The following DPP9 variants were observed in gnomAD, a reference collection of about 807,000 sequenced individuals.
DPP9 encodes the protein dipeptidyl peptidase 9.
DPP9 carries 50 observed loss-of-function variants against 110.7 expected under a neutral mutation model. The ratio of observed to expected loss-of-function variants is 0.45; its 90% CI spans 0.36 to 0.57. The LOEUF is 0.57. Among genes scored for constraint, DPP9 ranks in the 20% least tolerant of loss-of-function variants. The pLI is 0.00. For synonymous variants in DPP9, 561 were observed against 514.4 expected, an observed-to-expected ratio of 1.09 and a Z score of -1.23; for missense variants, 1,022 against 1,217.9, an observed-to-expected ratio of 0.84 and a Z score of 2.39.
Position 4,689,516 on chromosome 19 carries a change from G to T in DPP9, c.1749+54C>A. 3 of 1,529,888 alleles carry T rather than the reference G, an allele frequency of 2.0e-6. No individual in the cohort carries two copies. Among genetic ancestry groups the T allele is most frequent in the Non-Finnish European group, 2.6e-6 (3 of 1,143,564 alleles). The allele number at this position is 1,529,888 out of a possible 1,614,324, so 94.8% of individuals were successfully genotyped here. A position where few individuals can be genotyped will look rare whatever the true frequency, so the allele number is the denominator to read the frequency against. On this transcript the variant is annotated intron_variant, in intron 15 of 21. Transcript: ENST00000262960. This position sits in a 1 kb window ranked among gnomAD's most constrained non-coding sequence, Gnocchi z 7.0. ...TGCCGGGCCATGAGGGACTGCTCTG[G>T]CTGGGAGCTGTTGGACGGGCACAGG... is the stretch of plus-strand genomic sequence containing the variant.
At chr19:4,681,731 AT>A in intron 20 of DPP9, among the ~76,000 whole-genome samples, 1 of 144,366 alleles carries the variant, frequency 6.9e-6, no homozygotes, top group Non-Finnish European at 1.5e-5. Context: ...TGCCCAGCTT[AT>A]TTTTTGTATT....
At position 4,694,980 on chromosome 19, in the gene DPP9, C is replaced by A. The variant is rs556391465; in HGVS notation, c.1354-157G>T. On this transcript the variant is annotated intron_variant, in intron 12 of 21. Transcript: ENST00000262960. The surrounding 1 kb of genome is among the most constrained non-coding windows in gnomAD (Gnocchi z 4.0). ...GCCTGGACAACATAGTAAGACCCCA[C>A]CTCTAAAAATAAATAAATAAATTAG... is the stretch of plus-strand genomic sequence containing the variant. The A allele has an allele frequency of 4.5e-6, 3 of 662,820 alleles. No individual in the cohort carries two copies. Among genetic ancestry groups the A allele is most frequent in the East Asian group, 5.5e-5 (2 of 36,522 alleles). 41.1% of individuals were successfully genotyped at this position (662,820 alleles called of 1,614,324 possible).
intron 20 of DPP9, among the ~76,000 whole-genome samples, chr19:4,681,566 T>C (rs1303237962): frequency 6.7e-6 from 1 of 148,886 alleles, no homozygotes; most frequent in African/African-American, 2.5e-5. Flanking sequence ...TCCTGGCCTA[T>C]TATTATTATT....
At chr19:4,716,825 C>T (rs916628772) in intron 3 of DPP9, among the ~76,000 whole-genome samples, 8 of 152,074 alleles carry the variant, frequency 5.3e-5, no homozygotes, top group Admixed American at 6.5e-5. Flanking sequence ...GCCCGGCCCC[C>T]GGCCTCCCAC....
chr19:4,711,485 G>A (rs2092826101), intron 4 of DPP9, among the ~76,000 whole-genome samples: 2 of 152,060 alleles, frequency 1.3e-5, no homozygotes, highest in African/African-American at 4.8e-5. Context: ...TTATCAGAGG[G>A]AGGCAGGCCA....
rs760133663 is a variant in DPP9 at position 4,710,531 on chromosome 19, C to A, written c.313+3550G>T. ...TCCCCCGCTGCTCCTGCTAGCCTGACGCTGGGGGCTTTATCATGTGGATCT... is the reference window on the plus strand; with the variant it reads ...TCCCCCGCTGCTCCTGCTAGCCTGAAGCTGGGGGCTTTATCATGTGGATCT... On this transcript the variant is annotated intron_variant, in intron 4 of 21. Transcript: ENST00000262960. This position sits in a 1 kb window ranked among gnomAD's most constrained non-coding sequence, Gnocchi z 5.6. 5.6e-4 allele frequency among the ~76,000 whole-genome samples: 86 copies of A among 152,232 alleles called. 1 individual carries two copies. The highest frequency in any genetic ancestry group is 1.0e-3 in the Non-Finnish European group (70 of 68,040).
chr19:4,676,636 G>C lies in DPP9; in HGVS notation c.2607C>G (p.His869Gln). 6.2e-7 allele frequency: 1 copy of C among 1,606,320 alleles called. No individual in the cohort carries two copies. Among genetic ancestry groups the C allele is most frequent in the Non-Finnish European group, 8.5e-7 (1 of 1,176,448 alleles). The change falls in exon 22 of 22, where the codon CAC (histidine) becomes CAG (glutamine). Residue 869 changes from histidine (H) to glutamine (Q), a missense_variant. Physicochemically the swap from His to Gln is conservative, Grantham distance 24. This residue lies in a region of DPP9 where 209 missense variants were observed against 280.4 expected (regional missense o/e 0.75). Transcript: ENST00000262960. The surrounding 1 kb of genome is among the most constrained non-coding windows in gnomAD (Gnocchi z 4.0). ...YQLQIYPNER[H>Q]SIRCPESGEH... Reference sequence around the variant, plus strand: ...CGCCCGACTCGGGGCAGCGAATACTGTGTCTCTCGTTGGGGTAGATCTGCG... The same window carrying C: ...CGCCCGACTCGGGGCAGCGAATACTCTGTCTCTCGTTGGGGTAGATCTGCG...
At chr19:4,686,555 G>A (rs1469151094) in intron 16 of DPP9, among the ~76,000 whole-genome samples, 1 of 152,006 alleles carries the variant, frequency 6.6e-6, no homozygotes, top group African/African-American at 2.4e-5. Context: ...CCTGTCCTTA[G>A]GTGATCCACC....
At chr19:4,691,960 G>A (rs544834092) in intron 13 of DPP9, among the ~76,000 whole-genome samples, 2 of 152,036 alleles carry the variant, frequency 1.3e-5, no homozygotes, top group East Asian at 1.9e-4. Context: ...TTACAGGCAC[G>A]AGCCACTGCG....
rs1010374254 is a variant in DPP9, at chr19:4,700,422, C to G, written c.1013-145G>C. 1 of 552,310 alleles carries G rather than the reference C, an allele frequency of 1.8e-6. No homozygotes were observed. Among genetic ancestry groups the G allele is most frequent in the South Asian group, 2.8e-5 (1 of 36,172 alleles). 34.2% of individuals were successfully genotyped at this position (552,310 alleles called of 1,614,324 possible). A position where few individuals can be genotyped will look rare whatever the true frequency, so the allele number is the denominator to read the frequency against. ...GAGGCAGGAGAAGCCAGGTGTCCCA[C>G]GGTCTGTCTGTAGGCACATCGTCCT... On this transcript the variant is annotated intron_variant, in intron 9 of 21. Coordinates refer to ENST00000262960, the MANE Select transcript of DPP9 (RefSeq NM_139159.5). The surrounding 1 kb of genome is among the most constrained non-coding windows in gnomAD (Gnocchi z 4.3).
Position 4,700,065 on chromosome 19 carries a change from G to A in DPP9, c.1074+151C>T, listed in dbSNP as rs1379150050. On this transcript the variant is annotated intron_variant, in intron 10 of 21. Coordinates refer to ENST00000262960, the MANE Select transcript of DPP9 (RefSeq NM_139159.5). This position sits in a 1 kb window ranked among gnomAD's most constrained non-coding sequence, Gnocchi z 4.3. ...CACAGGTCCAGAGACACACAGGGAAGGCCTGTGGCTAGGCGGACCGGGCGG... is the reference window on the plus strand; with the variant it reads ...CACAGGTCCAGAGACACACAGGGAAAGCCTGTGGCTAGGCGGACCGGGCGG... 1 of 505,614 alleles carries A rather than the reference G, an allele frequency of 2.0e-6. No individual in the cohort carries two copies. Among genetic ancestry groups the A allele is most frequent in the Non-Finnish European group, 3.4e-6 (1 of 297,436 alleles). The allele number at this position is 505,614 out of a possible 1,614,324, so 31.3% of individuals were successfully genotyped here.
rs943820458 is a variant in DPP9 at position 4,680,047 on chromosome 19, T to C, written c.2475-101A>G. On this transcript the variant is annotated intron_variant, in intron 20 of 21. Transcript: ENST00000262960. ...GAGTTTGAGACCAGCCTGGCCAACATGGTGAAACCCTGTCTCTACTAAAAA... is the reference window on the plus strand; with the variant it reads ...GAGTTTGAGACCAGCCTGGCCAACACGGTGAAACCCTGTCTCTACTAAAAA... The C allele has an allele frequency of 2.1e-5, 16 of 777,000 alleles. No homozygotes were observed. In the African/African-American group the frequency reaches 2.1e-4, roughly 10 times the overall value. The allele number at this position is 777,000 out of a possible 1,614,324, so 48.1% of individuals were successfully genotyped here. A position where few individuals can be genotyped will look rare whatever the true frequency, so the allele number is the denominator to read the frequency against.
chr19:4,677,919 G>A (rs993633785), intron 21 of DPP9, among the ~76,000 whole-genome samples: 7 of 152,178 alleles, frequency 4.6e-5, no homozygotes. Flanking sequence ...AGGGCCTGGG[G>A]CCGCCAGCTG....
rs2091481351 is a variant in DPP9, at chr19:4,693,211, G to A, written c.1516+1450C>T. Among the ~76,000 whole-genome samples, 2 of 152,114 alleles carry A rather than the reference G, an allele frequency of 1.3e-5. No homozygotes were observed. Among genetic ancestry groups the A allele is most frequent in the African/African-American group, 4.8e-5 (2 of 41,442 alleles). ...TGGCCCCGCCCCAGAGAACCACCCGGCCCTGGCGTCCATGGTGTCCCTGCT... is the reference window on the plus strand; with the variant it reads ...TGGCCCCGCCCCAGAGAACCACCCGACCCTGGCGTCCATGGTGTCCCTGCT... On this transcript the variant is annotated intron_variant, in intron 13 of 21. Coordinates refer to ENST00000262960, the MANE Select transcript of DPP9 (RefSeq NM_139159.5). This position sits in a 1 kb window ranked among gnomAD's most constrained non-coding sequence, Gnocchi z 5.0.
In DPP9 at chr19:4,683,388, C is replaced by CG. The variant is rs779381443; in HGVS notation, c.2331+88dup. 1.9e-6 allele frequency: 3 copies of CG among 1,566,388 alleles called. No individual in the cohort carries two copies. In the South Asian group the frequency reaches 3.5e-5, roughly 18 times the overall value. On this transcript the variant is annotated intron_variant, in intron 19 of 21. Transcript: ENST00000262960. ...AGGCGCCTCCCCGGTAGGTGGGCTC[C>CG]GGGTGGCGCGGGCGGTGGGCAAACG...
chr19:4,683,395 C>A (rs771015569), intron 19 of DPP9, 82 bp downstream of exon 19: 1 of 1,577,460 alleles, frequency 6.3e-7, no homozygotes, highest in Non-Finnish European at 8.6e-7. Context: ...CTCCGGGTGG[C>A]GCGGGCGGTG....
Position 4,704,327 on chromosome 19 carries a change from G to C in DPP9, c.427-23C>G, listed in dbSNP as rs752050424. 1 of 1,593,658 alleles carries C rather than the reference G, an allele frequency of 6.3e-7. No homozygotes were observed. The highest frequency in any genetic ancestry group is 1.1e-5 in the South Asian group (1 of 90,832). On this transcript the variant is annotated intron_variant, in intron 5 of 21. Transcript: ENST00000262960. The surrounding 1 kb of genome is among the most constrained non-coding windows in gnomAD (Gnocchi z 6.0). ...GGCCTGGAAACATACAGGGGACAGG[G>C]GGCAGCGTCAGTGGGCAAAGAGGAT...
At chr19:4,719,610 GA>G (rs1397498923) in intron 3 of DPP9, 2 of 578,852 alleles carry the variant, frequency 3.5e-6, no homozygotes, top group Non-Finnish European at 6.2e-6. Context: ...TCAGCACCGT[GA>G]AGTGCCTGGG....
rs750393698 is a variant in DPP9, at chr19:4,703,955, T to C, written c.700A>G (p.Asn234Asp). 5.0e-6 allele frequency: 8 copies of C among 1,613,854 alleles called. No homozygotes were observed. The Admixed American group carries it at 5.0e-5, about 10-fold the overall frequency. Residue 234 changes from asparagine to aspartate, a missense_variant, in exon 7 of 22, where the codon AAT becomes GAT. This residue lies in a region of DPP9 where 810 missense variants were observed against 920.6 expected (regional missense o/e 0.88). Transcript: ENST00000262960. ...TTGGCCACCCACAGGTCGCTGTTAT[T>C]GATGAAGGAGAAGAAGGCAGGGTCG... ...PADPAFFSFI[N>D]NSDLWVANIE...
Sources: gnomAD v4.1 joint callset for allele counts (sites outside exome capture counted in the v4.1 genomes callset) on GRCh38, gnomAD v4.1.1 for gene constraint, gnomAD v4.1.1 regional missense constraint, Gnocchi (gnomAD v3.1) non-coding constraint, MANE v1.5 for transcripts, NCBI Gene and HGNC (gene_info 2026-07-23, HGNC 2026-07-21) for gene names.